CERT1: variants seen among roughly 807,000 people sequenced by gnomAD.
The protein encoded by CERT1 is ceramide transfer protein.
In CERT1, 31 loss-of-function variants were observed where a neutral mutation model predicts 87.9. The ratio of observed to expected loss-of-function variants is 0.35; its 90% CI spans 0.27 to 0.48. The LOEUF (loss-of-function observed/expected upper bound fraction) is 0.48, where lower values mean the gene tolerates loss of function less well. CERT1 is among the 20% of genes least tolerant of loss of function. CERT1 has a pLI of 0.99. For synonymous variants in CERT1, 289 were observed against 250.9 expected (o/e 1.15, Z -1.44); for missense variants, 487 against 758.0 (o/e 0.64, Z 4.20).
intron 3 of CERT1, among the ~76,000 whole-genome samples, chr5:75,448,892 AG>A (rs1240091656): frequency 1.3e-5 from 2 of 152,200 alleles, no homozygotes; most frequent in Non-Finnish European, 2.9e-5. Flanking sequence ...TTATCTAAAT[AG>A]TTTACAAATT....
chr5:75,417,141 G>T (rs747054012), intron 6 of CERT1, 108 bp from the exon 7 acceptor site: 6 of 883,544 alleles, frequency 6.8e-6, no homozygotes, highest in Non-Finnish European at 1.0e-5. Context: ...CAGGTTTTGG[G>T]ATTTTAATTT....
At chr5:75,379,556 TA>T in intron 16 of CERT1, 83 bp from the exon 17 acceptor site, 1 of 1,285,726 alleles carries the variant, frequency 7.8e-7, no homozygotes, top group Non-Finnish European at 1.1e-6. Context: ...CCCTTGTTTT[TA>T]AAATATTCCT....
At chr5:75,455,704 CAG>C (rs1320382598) in intron 3 of CERT1, among the ~76,000 whole-genome samples, 1 of 152,114 alleles carries the variant, frequency 6.6e-6, no homozygotes, top group Non-Finnish European at 1.5e-5. Context: ...TAGGAGAACT[CAG>C]ATTATACACC....
chr5:75,471,399 G>A (rs1451133338), intron 2 of CERT1, among the ~76,000 whole-genome samples: 1 of 152,108 alleles, frequency 6.6e-6, no homozygotes, highest in African/African-American at 2.4e-5. Flanking sequence ...GTCTTATGAT[G>A]GCTACAACAT....
intron 6 of CERT1, 21 bp downstream of exon 6, chr5:75,419,320 G>C (rs1192103399): frequency 6.7e-7 from 1 of 1,485,418 alleles, no homozygotes; most frequent in East Asian, 2.3e-5. Flanking sequence ...ATCCAGCTGA[G>C]GGGAAAAATG....
chr5:75,391,288 G>C (rs971843042), intron 11 of CERT1, among the ~76,000 whole-genome samples: 1 of 152,204 alleles, frequency 6.6e-6, no homozygotes, highest in Non-Finnish European at 1.5e-5. Flanking sequence ...ATATGTGATA[G>C]TGATGTTCTG....
chr5:75,411,092 C>T lies in CERT1; in HGVS notation c.849G>A (p.Lys283=). The change falls in exon 8 of 17, where the codon AAG becomes AAA. Residue 283 remains lysine (K), a synonymous_variant. Coordinates refer to ENST00000643780, the MANE Select transcript of CERT1 (RefSeq NM_001379029.1). ...WQKRLDKETE[K]KRRTEEAYKN... ...TATATGCTTCCTCTGTTCTTCTTTT[C>T]TTCTCAGTTTCCTATTAAAAAGAAG... 1 of 1,560,170 alleles carries T rather than the reference C, an allele frequency of 6.4e-7. No homozygotes were observed. The highest frequency in any genetic ancestry group is 8.7e-7 in the Non-Finnish European group (1 of 1,148,750).
intron 2 of CERT1, among the ~76,000 whole-genome samples, chr5:75,473,720 G>A (rs1765819434): frequency 6.6e-6 from 1 of 152,126 alleles, no homozygotes; most frequent in African/African-American, 2.4e-5. Flanking sequence ...TGCTGAGAGT[G>A]GATGCTCAGT....
intron 12 of CERT1, among the ~76,000 whole-genome samples, chr5:75,388,245 T>G (rs957438661): frequency 2.6e-5 from 4 of 152,134 alleles, no homozygotes; most frequent in African/African-American, 9.7e-5. Context: ...ATCTGTCTGT[T>G]TTATCTTATG....
chr5:75,511,270 C>CTT lies in CERT1; in HGVS notation c.-64_-63insAA. On this transcript the variant is annotated 5_prime_UTR_variant, in exon 1 of 17. Transcript: ENST00000643780. ...CCCTCAGCTGCGCCGGAGGAGGCGC[C>CTT]CAGTCCTCGGGGTGAAGGGTCGGGG... 1 of 1,591,168 alleles carries CTT rather than the reference C, an allele frequency of 6.3e-7. No homozygotes were observed. Among genetic ancestry groups the CTT allele is most frequent in the Non-Finnish European group, 8.6e-7 (1 of 1,168,888 alleles).
chr5:75,417,124 G>C, intron 6 of CERT1, 91 bp from the exon 7 acceptor site: 7 of 1,033,238 alleles, frequency 6.8e-6, no homozygotes, highest in Non-Finnish European at 9.8e-6. Flanking sequence ...AAATTAGCAA[G>C]TCAGAGCAGG....
intron 2 of CERT1, among the ~76,000 whole-genome samples, chr5:75,469,675 A>T (rs144720666): frequency 4.7e-4 from 72 of 152,310 alleles, no homozygotes; most frequent in Non-Finnish European, 9.1e-4. Context: ...AATGACAGTA[A>T]GAATAGAAAA....
intron 2 of CERT1, among the ~76,000 whole-genome samples, chr5:75,474,145 G>A (rs1249546271): frequency 6.6e-6 from 1 of 152,126 alleles, no homozygotes; most frequent in Non-Finnish European, 1.5e-5. Context: ...ATAGAAGAAC[G>A]CTGTGAAACT....
downstream of CERT1, chr5:75,374,731 G>C: frequency 1.7e-6 from 1 of 581,636 alleles, no homozygotes; most frequent in East Asian, 4.2e-5. Context: ...TCGATCTCAT[G>C]AAGGAGAAGG....
chr5:75,383,568 T>G (rs897417798), intron 14 of CERT1, among the ~76,000 whole-genome samples: 2 of 152,274 alleles, frequency 1.3e-5, no homozygotes, highest in Middle Eastern at 6.8e-3. Flanking sequence ...AGAATCTTAA[T>G]TGTTATGCAT....
intron 2 of CERT1, among the ~76,000 whole-genome samples, chr5:75,468,748 G>C (rs1302789781): frequency 6.6e-6 from 1 of 152,160 alleles, no homozygotes; most frequent in Non-Finnish European, 1.5e-5. Flanking sequence ...TGCTGTAACA[G>C]TTGCAACAGT....
At chr5:75,506,308 C>G (rs1294680050) in intron 1 of CERT1, among the ~76,000 whole-genome samples, 192 bp from the exon 2 acceptor site, 1 of 152,058 alleles carries the variant, frequency 6.6e-6, no homozygotes, top group Non-Finnish European at 1.5e-5. Flanking sequence ...TAATGATTTT[C>G]AGTAATTTTT....
At chr5:75,417,107 GT>G in intron 6 of CERT1, 74 bp from the exon 7 acceptor site, 1 of 1,243,502 alleles carries the variant, frequency 8.0e-7, no homozygotes, top group Non-Finnish European at 1.1e-6. Context: ...ATTAGAAAAT[GT>G]TTAGAAAATT....
intron 3 of CERT1, among the ~76,000 whole-genome samples, chr5:75,449,280 G>T (rs1764681438): frequency 6.6e-6 from 1 of 151,972 alleles, no homozygotes; most frequent in Non-Finnish European, 1.5e-5. Context: ...TGAATAAACA[G>T]GAATTACAAA....
Sources: allele counts gnomAD v4.1 joint callset (sites outside exome capture counted in the v4.1 genomes callset), GRCh38; gene constraint gnomAD v4.1.1; transcripts MANE v1.5; gene names NCBI Gene and HGNC (gene_info 2026-07-23, HGNC 2026-07-21).